Variants in DLC1 observed in about 807,000 individuals in gnomAD.
DLC1 encodes DLC1 Rho GTPase activating protein.
DLC1 carries 54 observed loss-of-function variants against 140.3 expected under a neutral mutation model. The ratio of observed to expected loss-of-function variants is 0.38; its 90% CI spans 0.31 to 0.48. The LOEUF is 0.48. DLC1 is among the 20% of genes least tolerant of loss of function. DLC1 has a pLI of 0.96. For missense variants in DLC1, 2,536 were observed against 1,907.0 expected (o/e 1.33, Z -6.14); for synonymous variants, 986 against 728.1 (o/e 1.35, Z -5.70).
intron 1 of DLC1, among the ~76,000 whole-genome samples, chr8:13,547,000 T>C (rs1329445718): frequency 6.6e-6 from 1 of 152,126 alleles, no homozygotes; most frequent in Non-Finnish European, 1.5e-5. Context: ...TACAATCATA[T>C]GTTAAATGTC....
At chr8:13,135,498 G>T (rs1822496391) in intron 5 of DLC1, among the ~76,000 whole-genome samples, 1 of 152,014 alleles carries the variant, frequency 6.6e-6, no homozygotes, top group Admixed American at 6.6e-5. Context: ...CATTTTAATG[G>T]AAGAACGCAT....
chr8:13,100,051 G>A lies in DLC1; in HGVS notation c.2286C>T (p.Thr762=), dbSNP rs1247462306. ...AVSTPSPVTR[T]RSLSACNKRV... is the part of the protein sequence containing the mutation. ...GCTTGTTGCACGCACTGAGGCTCCG[G>A]GTCCTCGTAACAGGGCTGGGCGTGC... The change falls in exon 9 of 18, where the codon ACC becomes ACT. Residue 762 remains threonine (T), a synonymous_variant. Coordinates refer to ENST00000276297, the MANE Select transcript of DLC1 (RefSeq NM_182643.3). The A allele has an allele frequency of 6.2e-7, 1 of 1,613,218 alleles. No individual in the cohort carries two copies. Among genetic ancestry groups the A allele is most frequent in the South Asian group, 1.1e-5 (1 of 91,086 alleles).
At chr8:13,385,962 C>T (rs1042116576) in intron 4 of DLC1, among the ~76,000 whole-genome samples, 11 of 152,132 alleles carry the variant, frequency 7.2e-5, no homozygotes, top group African/African-American at 2.7e-4. Context: ...GTGAAAATGG[C>T]TTACCAGTTA....
chr8:13,284,474 C>T (rs1831473020), intron 5 of DLC1, among the ~76,000 whole-genome samples: 1 of 152,060 alleles, frequency 6.6e-6, no homozygotes, highest in Non-Finnish European at 1.5e-5. Flanking sequence ...TTGCAGTGCG[C>T]TGAGATCGCG....
At chr8:13,305,843 A>G (rs1623587) in intron 4 of DLC1, among the ~76,000 whole-genome samples, 51,652 of 150,838 alleles carry the variant, frequency 0.34, 9,087 homozygotes, top group East Asian at 0.44. Context: ...TCGCAAACAA[A>G]CAAACTAACA....
At position 13,401,729 on chromosome 8, in the gene DLC1, TTTAA is replaced by T. The variant is rs1404029479; in HGVS notation, c.1024-114_1024-111del. 171 of 1,375,998 alleles carry T rather than the reference TTTAA, an allele frequency of 1.2e-4. 2 individuals are homozygous for T. In the Middle Eastern group the frequency reaches 2.1e-3, roughly 17 times the overall value. 85.2% of individuals were successfully genotyped at this position (1,375,998 alleles called of 1,614,324 possible). A position where few individuals can be genotyped will look rare whatever the true frequency, so the allele number is the denominator to read the frequency against. Reference sequence around the variant, plus strand: ...AAAGTACACTGGATAATAGGCAGTCTTTAATTAGAAGAGAAGTTCCATTCTGTAT... The same window carrying T: ...AAAGTACACTGGATAATAGGCAGTCTTTAGAAGAGAAGTTCCATTCTGTAT... On this transcript the variant is annotated intron_variant, in intron 2 of 17. Coordinates refer to ENST00000276297, the MANE Select transcript of DLC1 (RefSeq NM_182643.3).
At chr8:13,226,200 C>T (rs1323656613) in intron 5 of DLC1, among the ~76,000 whole-genome samples, 1 of 152,122 alleles carries the variant, frequency 6.6e-6, no homozygotes, top group Non-Finnish European at 1.5e-5. Flanking sequence ...AGGAATGAGC[C>T]ACTATGCCCA....
At chr8:13,276,564 C>T in intron 5 of DLC1, 2 of 1,272,516 alleles carry the variant, frequency 1.6e-6, no homozygotes, top group Non-Finnish European at 2.0e-6. Flanking sequence ...GCCTCCTGGC[C>T]CGCGGCCAAG....
chr8:13,141,034 C>T (rs371684414), intron 5 of DLC1, among the ~76,000 whole-genome samples: 1 of 151,996 alleles, frequency 6.6e-6, no homozygotes, highest in South Asian at 2.1e-4. Flanking sequence ...GCGTGTGGAT[C>T]ACGTGGGGTC....
chr8:13,403,328 T>C (rs1240881585), intron 2 of DLC1, among the ~76,000 whole-genome samples: 1 of 152,232 alleles, frequency 6.6e-6, no homozygotes, highest in Non-Finnish European at 1.5e-5. Context: ...AGAGCTTTGT[T>C]ACATTCAAAG....
chr8:13,123,004 T>G (rs1015804559), intron 5 of DLC1, among the ~76,000 whole-genome samples: 1 of 152,134 alleles, frequency 6.6e-6, no homozygotes, highest in African/African-American at 2.4e-5. Flanking sequence ...CCAGCAGCTC[T>G]CAGGGAAAAT....
chr8:13,359,812 G>A (rs1729152), intron 4 of DLC1, among the ~76,000 whole-genome samples: 101,237 of 152,068 alleles, frequency 0.67, 34,178 homozygotes, highest in East Asian at 0.84. Context: ...AAAGTTAAGC[G>A]ATGAGATGTG....
chr8:13,590,077 A>ATATATATATATATATATATATATAT (rs11272767), intron 1 of DLC1, among the ~76,000 whole-genome samples: 1 of 145,278 alleles, frequency 6.9e-6, no homozygotes, highest in Non-Finnish European at 1.5e-5. Flanking sequence ...ATATATATAT[A>ATATATATATATATATATATATATAT]CAAACACATG....
intron 4 of DLC1, among the ~76,000 whole-genome samples, chr8:13,329,667 C>T (rs1366983617): frequency 6.6e-6 from 1 of 152,150 alleles, no homozygotes; most frequent in Admixed American, 6.5e-5. Context: ...ACCACTAATG[C>T]AGAATTTTTC....
intron 5 of DLC1, among the ~76,000 whole-genome samples, chr8:13,269,451 A>G (rs1383412302): frequency 6.6e-6 from 1 of 152,136 alleles, no homozygotes; most frequent in African/African-American, 2.4e-5. Context: ...AAGAGTGACA[A>G]GCTGGGCACA....
chr8:13,432,193 A>G lies in DLC1; in HGVS notation c.1024-30574T>C, dbSNP rs781530393. ...CACACAAAGTATCATCATGAACTCAATAATGTATTATATTGAAAATGAGAC... is the reference window on the plus strand; with the variant it reads ...CACACAAAGTATCATCATGAACTCAGTAATGTATTATATTGAAAATGAGAC... On this transcript the variant is annotated intron_variant, in intron 2 of 17. Transcript: ENST00000276297. Among the ~76,000 whole-genome samples, 62 of 152,326 alleles carry G rather than the reference A, an allele frequency of 4.1e-4. 1 individual carries two copies. The Middle Eastern group carries it at 0.014, about 33-fold the overall frequency.
At chr8:13,136,445 G>A (rs898711719) in intron 5 of DLC1, among the ~76,000 whole-genome samples, 1 of 152,098 alleles carries the variant, frequency 6.6e-6, no homozygotes, top group Non-Finnish European at 1.5e-5. Flanking sequence ...TTTGGTTTCC[G>A]GTTCCTGTGT....
At chr8:13,448,819 G>A (rs142806830) in intron 2 of DLC1, among the ~76,000 whole-genome samples, 3 of 151,646 alleles carry the variant, frequency 2.0e-5, no homozygotes, top group South Asian at 2.1e-4. Context: ...TCTAATATAC[G>A]GCCACAAATG....
intron 4 of DLC1, among the ~76,000 whole-genome samples, chr8:13,320,276 A>G (rs58764306): frequency 0.015 from 2,333 of 152,236 alleles, 59 homozygotes; most frequent in African/African-American, 0.053. Context: ...CATTTGGGAT[A>G]TTTGGTCTTA....
Sources: allele counts gnomAD v4.1 joint callset (sites outside exome capture counted in the v4.1 genomes callset), GRCh38; gene constraint gnomAD v4.1.1; transcripts MANE v1.5; gene names NCBI Gene and HGNC (gene_info 2026-07-23, HGNC 2026-07-21).